Variants in LTBP1 observed in about 807,000 individuals in gnomAD.
LTBP1 encodes the protein latent transforming growth factor beta binding protein 1.
A neutral mutation model predicts 207.6 loss-of-function variants in LTBP1; 129 were observed. The observed-to-expected ratio is 0.62, with a 90% CI of 0.54 to 0.72. LTBP1 has a LOEUF of 0.72. LTBP1 is among the 30% of genes least tolerant of loss of function. LTBP1 has a pLI of 0.00. For missense variants in LTBP1, 2,281 were observed against 2,217.2 expected, an observed-to-expected ratio of 1.03 and a Z score of -0.58; for synonymous variants, 963 against 833.7, an observed-to-expected ratio of 1.16 and a Z score of -2.67.
intron 18 of LTBP1, among the ~76,000 whole-genome samples, chr2:33,277,438 T>C (rs3769541): frequency 0.81 from 122,524 of 152,170 alleles, 49,762 homozygotes; most frequent in African/African-American, 0.88. Context: ...GCCTGACCTG[T>C]AGCCACTGAC....
chr2:33,148,487 A>G (rs2083238536), intron 5 of LTBP1, among the ~76,000 whole-genome samples: 1 of 152,234 alleles, frequency 6.6e-6, no homozygotes, highest in Admixed American at 6.5e-5. Flanking sequence ...CATAGAGTGA[A>G]GATGAATTCA....
intron 4 of LTBP1, among the ~76,000 whole-genome samples, chr2:33,120,190 A>G (rs1248152019): frequency 6.6e-6 from 1 of 152,114 alleles, no homozygotes; most frequent in Non-Finnish European, 1.5e-5. Flanking sequence ...ATATGTGTGT[A>G]TTTTTTTAAC....
intron 24 of LTBP1, among the ~76,000 whole-genome samples, chr2:33,328,465 T>C (rs1189858614): frequency 6.6e-6 from 1 of 152,168 alleles, no homozygotes; most frequent in Admixed American, 6.5e-5. Flanking sequence ...TCACAGTTCA[T>C]TGCTGGGGAG....
chr2:33,247,668 A>G (rs905480249), intron 10 of LTBP1, among the ~76,000 whole-genome samples: 4 of 152,254 alleles, frequency 2.6e-5, no homozygotes, highest in East Asian at 1.9e-4. Flanking sequence ...ACTGTCCAAT[A>G]GAACTATCTG....
At chr2:33,170,925 C>G (rs1488635607) in intron 5 of LTBP1, among the ~76,000 whole-genome samples, 1 of 152,192 alleles carries the variant, frequency 6.6e-6, no homozygotes, top group African/African-American at 2.4e-5. Context: ...CTCTAGCAAA[C>G]TCCAACAGAC....
chr2:32,992,838 C>T (rs1029738470), intron 2 of LTBP1, among the ~76,000 whole-genome samples: 5 of 151,834 alleles, frequency 3.3e-5, no homozygotes, highest in East Asian at 1.9e-4. Flanking sequence ...GCTCCTCCAG[C>T]GGGAAGGGAA....
At chr2:32,950,679 A>G (rs1676965939) in intron 2 of LTBP1, among the ~76,000 whole-genome samples, 1 of 152,174 alleles carries the variant, frequency 6.6e-6, no homozygotes, top group Non-Finnish European at 1.5e-5. Flanking sequence ...TGCAGTGAGC[A>G]GAGATTGTGC....
intron 31 of LTBP1, among the ~76,000 whole-genome samples, chr2:33,375,794 G>A (rs539727101): frequency 5.3e-5 from 8 of 150,516 alleles, no homozygotes; most frequent in South Asian, 4.2e-4. Context: ...TGCCCGCCTC[G>A]GCCTCCCAAA....
intron 12 of LTBP1, among the ~76,000 whole-genome samples, chr2:33,258,898 G>A (rs2092935249): frequency 6.6e-6 from 1 of 152,040 alleles, no homozygotes; most frequent in Admixed American, 6.6e-5. Flanking sequence ...CTAATATGAA[G>A]GACTGATTAA....
intron 2 of LTBP1, among the ~76,000 whole-genome samples, chr2:32,974,498 T>C (rs1017994907): frequency 6.6e-6 from 1 of 152,222 alleles, no homozygotes; most frequent in African/African-American, 2.4e-5. Context: ...ACTTATCAGA[T>C]GGGTAGCTTG....
intron 7 of LTBP1, among the ~76,000 whole-genome samples, chr2:33,189,901 C>T (rs2087657504): frequency 1.3e-5 from 2 of 152,178 alleles, no homozygotes; most frequent in South Asian, 4.1e-4. Context: ...GTGGCAGGCG[C>T]CTGTAATCCC....
chr2:33,237,960 A>G (rs2149678680), intron 9 of LTBP1, among the ~76,000 whole-genome samples: 1 of 152,326 alleles, frequency 6.6e-6, no homozygotes, highest in South Asian at 2.1e-4. Flanking sequence ...AAAAGTGTCT[A>G]AGCCTGTGTG....
rs755605260 is a variant in LTBP1 at position 33,259,659 on chromosome 2, A to T, written c.2418+49A>T. 5.8e-6 allele frequency: 9 copies of T among 1,544,572 alleles called. No homozygotes were observed. The African/African-American group carries it at 1.1e-4, about 19-fold the overall frequency. Reference sequence around the variant, plus strand: ...TCTTTTTTTTTCAACGCTCAAAGTGATTTTCTATTAGAATATGTATGGATT... The same window carrying T: ...TCTTTTTTTTTCAACGCTCAAAGTGTTTTTCTATTAGAATATGTATGGATT... On this transcript the variant is annotated intron_variant, in intron 13 of 33. Transcript: ENST00000404816.
chr2:33,170,333 C>T (rs542924721), intron 5 of LTBP1, among the ~76,000 whole-genome samples: 398 of 151,998 alleles, frequency 2.6e-3, no homozygotes, highest in Admixed American at 7.4e-3. Context: ...GCTTAAAAAA[C>T]GGCGCACCAC....
chr2:33,198,062 C>G (rs1271732013), intron 7 of LTBP1, among the ~76,000 whole-genome samples: 2 of 152,170 alleles, frequency 1.3e-5, no homozygotes, highest in Non-Finnish European at 2.9e-5. Flanking sequence ...TCAAATAACA[C>G]ATGAACCCAC....
chr2:33,273,855 C>G, intron 16 of LTBP1, 74 bp downstream of exon 16: 1 of 1,338,998 alleles, frequency 7.5e-7, no homozygotes, highest in Non-Finnish European at 1.0e-6. Context: ...TTTCTTAAAC[C>G]AACTTAACCA....
chr2:33,118,207 AAAAAAAACAAC>A (rs2080880475), intron 4 of LTBP1, among the ~76,000 whole-genome samples: 1 of 151,812 alleles, frequency 6.6e-6, no homozygotes, highest in Non-Finnish European at 1.5e-5. Flanking sequence ...AAAAAAACAA[AAAAAAAACAAC>A]AAAAAAAACT....
chr2:33,347,965 T>C (rs975912740), intron 26 of LTBP1, among the ~76,000 whole-genome samples: 9 of 152,204 alleles, frequency 5.9e-5, no homozygotes, highest in African/African-American at 1.9e-4. Context: ...TTGGAATTCT[T>C]AAGGTGTTTT....
chr2:33,392,810 A>C (rs2095326180), intron 32 of LTBP1, among the ~76,000 whole-genome samples: 2 of 151,822 alleles, frequency 1.3e-5, no homozygotes, highest in Non-Finnish European at 2.9e-5. Context: ...ATGGGATCTG[A>C]AAATATTGTC....
Sources: gnomAD v4.1 joint callset for allele counts (sites outside exome capture counted in the v4.1 genomes callset) on GRCh38, gnomAD v4.1.1 for gene constraint, MANE v1.5 for transcripts, NCBI Gene and HGNC (gene_info 2026-07-23, HGNC 2026-07-21) for gene names.